The following HAL variants were observed in gnomAD, a reference collection of about 807,000 sequenced individuals.
HAL encodes the protein histidine ammonia-lyase, also known as histidase.
A neutral mutation model predicts 81.1 loss-of-function variants in HAL; 85 were observed. The ratio of observed to expected loss-of-function variants is 1.05; its 90% CI spans 0.88 to 1.25. The LOEUF (loss-of-function observed/expected upper bound fraction) is 1.25. HAL is among the 50% of genes most tolerant of loss of function. The probability of loss-of-function intolerance (pLI) is 0.00; values close to 1 mark genes in which losing one functional copy is unlikely to be tolerated. For synonymous variants in HAL, 301 were observed against 309.2 expected (o/e 0.97, Z 0.28); for missense variants, 798 against 836.6 (o/e 0.95, Z 0.57).
At position 95,994,345 on chromosome 12, in the gene HAL, C is replaced by A. The variant is rs537027939; in HGVS notation, c.337-181G>T. Among the ~76,000 whole-genome samples, 20 of 152,318 alleles carry A rather than the reference C, an allele frequency of 1.3e-4. No individual in the cohort carries two copies. In the South Asian group the frequency reaches 4.1e-3, roughly 32 times the overall value. On this transcript the variant is annotated intron_variant, in intron 4 of 20. Transcript: ENST00000261208. Reference sequence around the variant, plus strand: ...GGCTTATTGGTGCAAAAGCATAATGCCTTTCCAAGCCCCCTTTCCCCACTA... The same window carrying A: ...GGCTTATTGGTGCAAAAGCATAATGACTTTCCAAGCCCCCTTTCCCCACTA...
At chr12:95,974,728 CTTGTTTTT>C (rs1339108757) in intron 20 of HAL, among the ~76,000 whole-genome samples, 1 of 151,568 alleles carries the variant, frequency 6.6e-6, no homozygotes, top group Non-Finnish European at 1.5e-5. Flanking sequence ...TGGTTTTTTT[CTTGTTTTT>C]TTGTTTTTTT....
At chr12:95,979,770 G>A (rs1307883895) in intron 17 of HAL, among the ~76,000 whole-genome samples, 1 of 152,202 alleles carries the variant, frequency 6.6e-6, no homozygotes, top group Non-Finnish European at 1.5e-5. Flanking sequence ...ATTAATTGAA[G>A]TAAAAGCACA....
At chr12:95,988,567 C>T (rs1322304156) in intron 10 of HAL, among the ~76,000 whole-genome samples, 2 of 152,212 alleles carry the variant, frequency 1.3e-5, no homozygotes, top group East Asian at 3.8e-4. Context: ...TGCCTCCTGA[C>T]ATGCAGGCAT....
chr12:95,982,256 A>C (rs917180706), intron 15 of HAL, among the ~76,000 whole-genome samples: 2 of 152,242 alleles, frequency 1.3e-5, no homozygotes, highest in African/African-American at 4.8e-5. Context: ...GCAGTATTGC[A>C]AGAGAACTCC....
intron 9 of HAL, among the ~76,000 whole-genome samples, chr12:95,991,445 G>T (rs1169363161): frequency 1.3e-5 from 2 of 152,116 alleles, no homozygotes; most frequent in Non-Finnish European, 2.9e-5. Flanking sequence ...CATTAACAAG[G>T]TTTCCCAGGG....
At chr12:95,977,922 AC>A (rs1157703697) in intron 18 of HAL, 21 bp downstream of exon 18, 1 of 1,613,586 alleles carries the variant, frequency 6.2e-7, no homozygotes, top group Non-Finnish European at 8.5e-7. Context: ...CAGGCCCGCC[AC>A]CCCGAACTCA....
At chr12:95,982,462 T>C (rs1413953198) in intron 15 of HAL, among the ~76,000 whole-genome samples, 1 of 152,216 alleles carries the variant, frequency 6.6e-6, no homozygotes, top group African/African-American at 2.4e-5. Flanking sequence ...AAAGCAATGA[T>C]GTAAATGTAG....
rs1397427136 is a variant in HAL, at chr12:95,972,951, C to T, written c.*1281G>A. 1 of 152,224 alleles carries T rather than the reference C, an allele frequency of 6.6e-6. No individual in the cohort carries two copies. The highest frequency in any genetic ancestry group is 1.5e-5 in the Non-Finnish European group (1 of 68,048). The allele number at this position is 152,224 out of a possible 1,614,324, so 9.4% of individuals were successfully genotyped here. A position where few individuals can be genotyped will look rare whatever the true frequency, so the allele number is the denominator to read the frequency against. On this transcript the variant is annotated 3_prime_UTR_variant, in exon 21 of 21. Coordinates refer to ENST00000261208, the MANE Select transcript of HAL (RefSeq NM_002108.4). ...GCACCAAGAACAACCTTTAGGTAAACAGTCTCCTCAGCACATTTTTTGCTC... is the reference window on the plus strand; with the variant it reads ...GCACCAAGAACAACCTTTAGGTAAATAGTCTCCTCAGCACATTTTTTGCTC...
In HAL at chr12:95,996,281, C is replaced by A; in HGVS notation, c.-285G>T. On this transcript the variant is annotated 5_prime_UTR_variant, in exon 1 of 21. It introduces an in-frame stop codon into an upstream open reading frame of the 5' UTR. Transcript: ENST00000261208. ...GGTCCCCAATTTCTCTCTCTTCCCT[C>A]GTTTCTGTCTGTGTTCTCTGCCATT... 1 of 305,838 alleles carries A rather than the reference C, an allele frequency of 3.3e-6. No homozygotes were observed. 18.9% of individuals were successfully genotyped at this position (305,838 alleles called of 1,614,324 possible).
chr12:95,981,913 C>A (rs1447742170), intron 15 of HAL, among the ~76,000 whole-genome samples: 2 of 152,202 alleles, frequency 1.3e-5, no homozygotes, highest in African/African-American at 4.8e-5. Context: ...TTGCTGTGTG[C>A]AAGAAAGTTT....
In HAL at chr12:95,994,087, T is replaced by A; in HGVS notation, c.411+3A>T. On this transcript the variant is annotated splice_donor_region_variant and intron_variant, in intron 5 of 20. Coordinates refer to ENST00000261208, the MANE Select transcript of HAL (RefSeq NM_002108.4). ...AGGACATCTTTCCCCTCCCTCCCCATACCTTTATTTTGTAGCGTCCCTTTC... is the reference window on the plus strand; with the variant it reads ...AGGACATCTTTCCCCTCCCTCCCCAAACCTTTATTTTGTAGCGTCCCTTTC... 1 of 1,611,530 alleles carries A rather than the reference T, an allele frequency of 6.2e-7. No individual in the cohort carries two copies. Among genetic ancestry groups the A allele is most frequent in the East Asian group, 2.2e-5 (1 of 44,840 alleles).
intron 10 of HAL, among the ~76,000 whole-genome samples, chr12:95,989,168 T>C (rs1241048538): frequency 6.6e-6 from 1 of 152,080 alleles, no homozygotes; most frequent in East Asian, 1.9e-4. Context: ...GACGGAAGCT[T>C]CTTAGAGGGC....
At chr12:95,994,058 C>A in intron 5 of HAL, 32 bp downstream of exon 5, 3 of 1,596,260 alleles carry the variant, frequency 1.9e-6, no homozygotes, top group African/African-American at 1.3e-5. Context: ...ACAAAAATGG[C>A]CAGAGGACAT....
In HAL at chr12:95,976,489, T is replaced by C. The variant is rs1379318826; in HGVS notation, c.1773A>G (p.Ile591Met). The change falls in exon 20 of 21, where the codon ATA becomes ATG. Residue 591 changes from isoleucine (I) to methionine (M), a missense_variant. Coordinates refer to ENST00000261208, the MANE Select transcript of HAL (RefSeq NM_002108.4). ...TGTCCGGGGCCATGAAGCGATCTTT[T>C]ATCCAGGGCCTACAGGGAGAGCACA... ...DLVRSVVRPW[I>M]KDRFMAPDIE... 1.2e-6 allele frequency: 2 copies of C among 1,614,132 alleles called. No individual in the cohort carries two copies. Among genetic ancestry groups the C allele is most frequent in the Admixed American group, 1.7e-5 (1 of 60,020 alleles).
intron 15 of HAL, among the ~76,000 whole-genome samples, chr12:95,983,451 T>C (rs1490723649): frequency 6.6e-6 from 1 of 152,142 alleles, no homozygotes; most frequent in African/African-American, 2.4e-5. Context: ...CTTTAATCAA[T>C]ACTTTGGTAA....
intron 15 of HAL, among the ~76,000 whole-genome samples, chr12:95,982,062 T>G (rs770618103): frequency 6.6e-6 from 1 of 152,238 alleles, no homozygotes; most frequent in East Asian, 1.9e-4. Context: ...TGAATCCCTA[T>G]AGCAATGGAA....
chr12:95,982,349 C>T (rs146070726), intron 15 of HAL, among the ~76,000 whole-genome samples: 73 of 152,298 alleles, frequency 4.8e-4, no homozygotes, highest in African/African-American at 1.7e-3. Context: ...GAAATTCTTG[C>T]TGAGGCAATT....
chr12:95,990,364 C>T, intron 10 of HAL, 29 bp downstream of exon 10: 1 of 1,600,438 alleles, frequency 6.2e-7, no homozygotes, highest in South Asian at 1.1e-5. Context: ...GGGGCAATTG[C>T]TGCAGATAGA....
chr12:95,986,194 T>C (rs1181012838), intron 12 of HAL, 34 bp from the exon 13 acceptor site: 1 of 1,219,554 alleles, frequency 8.2e-7, no homozygotes, highest in South Asian at 1.2e-5. Flanking sequence ...GTCTGAATAA[T>C]TCCATTTATT....
Sources: gnomAD v4.1 joint callset for allele counts (sites outside exome capture counted in the v4.1 genomes callset) on GRCh38, gnomAD v4.1.1 for gene constraint, MANE v1.5 for transcripts, NCBI Gene and HGNC (gene_info 2026-07-23, HGNC 2026-07-21) for gene names.